Variants in ARHGAP32 observed in about 807,000 individuals in gnomAD.
The protein encoded by ARHGAP32 is Rho GTPase activating protein 32, also known as rho GTPase-activating protein 32.
ARHGAP32 carries 51 observed loss-of-function variants against 186.5 expected under a neutral mutation model. The ratio of observed to expected loss-of-function variants is 0.27; its 90% CI spans 0.22 to 0.35. ARHGAP32 has a LOEUF of 0.35. ARHGAP32 is among the 10% of genes least tolerant of loss of function. The pLI is 1.00. For synonymous variants in ARHGAP32, 950 were observed against 964.3 expected, an observed-to-expected ratio of 0.99 and a Z score of 0.27; for missense variants, 2,186 against 2,623.5, an observed-to-expected ratio of 0.83 and a Z score of 3.64.
In ARHGAP32 at chr11:128,978,782, T is replaced by C. The variant is rs1199267939; in HGVS notation, c.2110A>G (p.Met704Val). The change falls in exon 19 of 23, where the codon ATG (methionine) becomes GTG (valine). Residue 704 changes from methionine (M) to valine (V), a missense_variant. This residue lies in a region of ARHGAP32 where 263 missense variants were observed against 323.5 expected (regional missense o/e 0.81). Transcript: ENST00000682385. ...NESEPSEMKA[M>V]ALKGGRAEGT... is the part of the protein sequence containing the mutation. ...CCCAGGCACTCACCTTTCAGAGCCA[T>C]GGCTTTCATCTCTGAAGGCTCACTC... 27 of 1,610,116 alleles carry C rather than the reference T, an allele frequency of 1.7e-5. No individual in the cohort carries two copies. Among genetic ancestry groups the C allele is most frequent in the Admixed American group, 3.4e-5 (2 of 59,066 alleles).
intron 11 of ARHGAP32, among the ~76,000 whole-genome samples, chr11:129,000,263 C>T (rs371964529): frequency 4.7e-4 from 72 of 152,212 alleles, no homozygotes; most frequent in African/African-American, 1.6e-3. Flanking sequence ...CCGACTGATA[C>T]ATTAGAAAGA....
At chr11:129,124,763 G>T in intron 3 of ARHGAP32, 40 bp downstream of exon 3, 1 of 1,418,538 alleles carries the variant, frequency 7.0e-7, no homozygotes, top group Non-Finnish European at 9.7e-7. Flanking sequence ...ATTTCCATTC[G>T]TAGGAATTCA....
chr11:128,980,570 AATT>A lies in ARHGAP32; in HGVS notation c.1956_1958del (p.Ile653del), dbSNP rs779652243. 6.2e-7 allele frequency: 1 copy of A among 1,612,238 alleles called. No individual in the cohort carries two copies. Among genetic ancestry groups the A allele is most frequent in the Non-Finnish European group, 8.5e-7 (1 of 1,179,162 alleles). ...AATTTTACCTTTCAAGTGGGAACTC[AATT>A]ATGGTATGAAATTTCCCCTGAAGTG... On this transcript the variant is annotated inframe_deletion, in exon 18 of 23. Coordinates refer to ENST00000682385, the MANE Select transcript of ARHGAP32 (RefSeq NM_001378024.1).
At chr11:129,067,251 T>TTAC (rs559631344) in intron 6 of ARHGAP32, among the ~76,000 whole-genome samples, 146 of 152,184 alleles carry the variant, frequency 9.6e-4, no homozygotes, top group Admixed American at 5.1e-3. Flanking sequence ...TTTTGATTTG[T>TTAC]TACTACCAAC....
chr11:129,105,396 C>G (rs1274143997), intron 5 of ARHGAP32, among the ~76,000 whole-genome samples: 1 of 152,172 alleles, frequency 6.6e-6, no homozygotes, highest in Non-Finnish European at 1.5e-5. Flanking sequence ...CGAAGGCAGA[C>G]CTGTAAACAG....
At chr11:129,211,364 C>T (rs1944580249) in intron 1 of ARHGAP32, among the ~76,000 whole-genome samples, 4 of 152,090 alleles carry the variant, frequency 2.6e-5, no homozygotes, top group Admixed American at 1.3e-4. Flanking sequence ...ATAGCAAAAA[C>T]AATTGTATAA....
chr11:129,188,852 C>T (rs1463356189), intron 1 of ARHGAP32, among the ~76,000 whole-genome samples: 1 of 152,156 alleles, frequency 6.6e-6, no homozygotes, highest in African/African-American at 2.4e-5. Flanking sequence ...TTCAATTAAG[C>T]ACTATATCAT....
chr11:129,000,099 T>C (rs1946315327), intron 11 of ARHGAP32, among the ~76,000 whole-genome samples: 1 of 152,172 alleles, frequency 6.6e-6, no homozygotes, highest in Admixed American at 6.6e-5. Flanking sequence ...AACACACTTG[T>C]CAACCTAATG....
intron 1 of ARHGAP32, among the ~76,000 whole-genome samples, chr11:129,271,786 T>C (rs1487212298): frequency 6.6e-6 from 1 of 152,154 alleles, no homozygotes; most frequent in Non-Finnish European, 1.5e-5. Flanking sequence ...CACTGTGAAA[T>C]GCTGGTGAGA....
At chr11:128,979,265 G>T (rs903318773) in intron 18 of ARHGAP32, among the ~76,000 whole-genome samples, 23 of 152,270 alleles carry the variant, frequency 1.5e-4, no homozygotes, top group Non-Finnish European at 2.5e-4. Flanking sequence ...TAAAGAAAAT[G>T]ATTTTAGGTG....
chr11:129,238,068 C>G (rs373904881), intron 1 of ARHGAP32, among the ~76,000 whole-genome samples: 1 of 152,026 alleles, frequency 6.6e-6, no homozygotes, highest in Admixed American at 6.6e-5. Context: ...ACAGTGCCAG[C>G]GGTTTTTGAT....
intron 1 of ARHGAP32, among the ~76,000 whole-genome samples, chr11:129,253,738 C>T (rs1408554222): frequency 6.6e-6 from 1 of 152,032 alleles, no homozygotes; most frequent in Non-Finnish European, 1.5e-5. Context: ...TCTGTGGTAA[C>T]AGGAATCATA....
chr11:129,223,912 G>A (rs1944746751), intron 1 of ARHGAP32, among the ~76,000 whole-genome samples: 1 of 152,152 alleles, frequency 6.6e-6, no homozygotes. Flanking sequence ...CACATTTTGG[G>A]ACTACTTGAA....
chr11:129,097,991 A>AAACAAT (rs1365573380), intron 5 of ARHGAP32, among the ~76,000 whole-genome samples: 14 of 152,212 alleles, frequency 9.2e-5, no homozygotes, highest in African/African-American at 3.4e-4. Flanking sequence ...GAAACTTTAA[A>AAACAAT]GGTCAAAAAA....
intron 6 of ARHGAP32, among the ~76,000 whole-genome samples, chr11:129,090,849 A>T (rs1022528637): frequency 6.6e-6 from 1 of 152,172 alleles, no homozygotes; most frequent in East Asian, 1.9e-4. Flanking sequence ...GGCCTTTTAA[A>T]ATTATTAAAT....
chr11:129,238,231 C>T (rs1944963097), intron 1 of ARHGAP32, among the ~76,000 whole-genome samples: 2 of 152,150 alleles, frequency 1.3e-5, no homozygotes, highest in South Asian at 2.1e-4. Context: ...TTTGAGGATA[C>T]AGAGCACCTT....
chr11:129,096,664 C>G (rs1178911950), intron 5 of ARHGAP32, among the ~76,000 whole-genome samples: 6 of 152,172 alleles, frequency 3.9e-5, no homozygotes, highest in Non-Finnish European at 8.8e-5. Flanking sequence ...GCTGTGGCTG[C>G]GGATCACTGC....
rs868330259 is a variant in ARHGAP32, at chr11:129,022,063, T to C, written c.1045+18865A>G. Among the ~76,000 whole-genome samples the C allele has an allele frequency of 7.4e-4, 112 of 152,168 alleles. 3 individuals carry two copies. The highest frequency in any genetic ancestry group is 3.4e-4 in the Non-Finnish European group (23 of 67,914). On this transcript the variant is annotated intron_variant, in intron 11 of 22. Transcript: ENST00000682385. ...GAACTAGTACTACTTGATAAGAAGC[T>C]TAAAAGCTAGTACTATCTCAGGAAG...
intron 1 of ARHGAP32, among the ~76,000 whole-genome samples, chr11:129,170,271 T>A (rs901642899): frequency 6.6e-6 from 1 of 151,120 alleles, no homozygotes; most frequent in Non-Finnish European, 1.5e-5. Flanking sequence ...TAGGTATACA[T>A]GTGCCATGGT....
Sources: allele counts gnomAD v4.1 joint callset (sites outside exome capture counted in the v4.1 genomes callset), GRCh38; gene constraint gnomAD v4.1.1; regional missense constraint gnomAD v4.1.1; transcripts MANE v1.5; gene names NCBI Gene and HGNC (gene_info 2026-07-23, HGNC 2026-07-21).